Variants in OBSL1 observed in about 807,000 individuals in gnomAD.
OBSL1 encodes obscurin-like protein 1.
Under a neutral mutation model 172.0 loss-of-function variants are expected in OBSL1, and 160 were observed. That is an observed-to-expected ratio of 0.93 (90% CI 0.82 to 1.06). The LOEUF is 1.06. Among genes scored for constraint, OBSL1 ranks in the 50% least tolerant of loss-of-function variants. OBSL1 has a pLI of 0.00. For missense variants in OBSL1, 2,681 were observed against 2,715.4 expected, an observed-to-expected ratio of 0.99 and a Z score of 0.28; for synonymous variants, 1,200 against 1,196.3, an observed-to-expected ratio of 1.00 and a Z score of -0.06.
downstream of OBSL1, chr2:219,550,549 T>A: frequency 2.1e-6 from 1 of 487,588 alleles, no homozygotes; most frequent in Non-Finnish European, 3.7e-6. Flanking sequence ...CCCACTCTGT[T>A]TTACATCTTT....
Position 219,563,492 on chromosome 2 carries a change from TCCA to T in OBSL1, c.2540_2542del (p.Val847del). On this transcript the variant is annotated inframe_deletion, in exon 7 of 21. Transcript: ENST00000404537. ...CTCCAGCACCACGAAGTCACTCTCC[TCCA>T]CCTCCTGCCCGTCCTTGTACCAACG... 6.2e-7 allele frequency: 1 copy of T among 1,613,762 alleles called. No individual in the cohort carries two copies. Among genetic ancestry groups the T allele is most frequent in the Non-Finnish European group, 8.5e-7 (1 of 1,179,850 alleles).
rs1180417077 is a variant in OBSL1, at chr2:219,570,521, CG to C, written c.711del (p.Asp238ThrfsTer20). ...TCCACCACCGGCGCGGGGGCCTCGT[CG>C]GGGTCCGCGGGCGGGCTCTCGGGGG... ...HQPPESPPADPDEAPAPVVEP... is the reference protein window; with the variant it reads ...HQPPESPPADXDEAPAPVVEP... On this transcript the variant is annotated frameshift_variant, in exon 1 of 21. Transcript: ENST00000404537. LOFTEE classifies it high-confidence loss of function. 1 of 1,609,792 alleles carries C rather than the reference CG, an allele frequency of 6.2e-7. No homozygotes were observed. The highest frequency in any genetic ancestry group is 2.2e-5 in the East Asian group (1 of 44,696).
At chr2:219,561,606 T>C in intron 8 of OBSL1, 1 of 472,582 alleles carries the variant, frequency 2.1e-6, no homozygotes. Flanking sequence ...GTCTGCGTGC[T>C]GCTGGCTCCC....
chr2:219,555,043 C>G lies in OBSL1; in HGVS notation c.4610-303G>C, dbSNP rs1695898827. The G allele has an allele frequency of 4.8e-6, 2 of 418,810 alleles. 1 individual carries two copies. Among genetic ancestry groups the G allele is most frequent in the Middle Eastern group, 1.3e-3 (2 of 1,568 alleles). The allele number at this position is 418,810 out of a possible 1,614,324, so 25.9% of individuals were successfully genotyped here. ...GGAGCACGGAATTTGGAGTCAGACA[C>G]ACTAGGAATGGAACCTCGCTCTACC... On this transcript the variant is annotated intron_variant, in intron 14 of 20. Transcript: ENST00000404537.
chr2:219,554,625 A>AC lies in OBSL1; in HGVS notation c.4724dup (p.Gly1576TrpfsTer83), dbSNP rs776467558. On this transcript the variant is annotated frameshift_variant, in exon 15 of 21. Transcript: ENST00000404537. LOFTEE classifies it high-confidence loss of function. The stretch of plus-strand genomic sequence containing the variant: ...TGGGTCCTGGATACAGCTGTACTCC[A>AC]CCCCGGGCCCACTCCCCGGTCACAC... The AC allele has an allele frequency of 5.0e-6, 8 of 1,611,856 alleles. No homozygotes were observed. The South Asian group carries it at 7.7e-5, about 16-fold the overall frequency.
Position 219,563,577 on chromosome 2 carries a change from T to C in OBSL1, c.2458A>G (p.Ile820Val), listed in dbSNP as rs759392826. ...DPREHVFVHA[I>V]TSECVMLACE... Reference sequence around the variant, plus strand: ...GCCAGCATGACACACTCGGAAGTTATGGCATGCACGAACACATGTTCTCGG... The same window carrying C: ...GCCAGCATGACACACTCGGAAGTTACGGCATGCACGAACACATGTTCTCGG... The change falls in exon 7 of 21, where the codon ATA becomes GTA. Residue 820 changes from isoleucine to valine, a missense_variant. Ile to Val is a conservative substitution (Grantham distance 29). Coordinates refer to ENST00000404537, the MANE Select transcript of OBSL1 (RefSeq NM_015311.3). 22 of 1,613,406 alleles carry C rather than the reference T, an allele frequency of 1.4e-5. 1 individual carries two copies. The African/African-American group carries it at 2.1e-4, about 16-fold the overall frequency.
At position 219,556,680 on chromosome 2, in the gene OBSL1, A is replaced by G. The variant is rs761577295; in HGVS notation, c.4110T>C (p.Thr1370=). ...ACGTGGCATCATCGCCCTCGTGGAC[A>G]GTGAGTGGTGTCAGCTCCGAGACCA... ...VKLVSELTPL[T]VHEGDDATFR... is the part of the protein sequence containing the mutation. The change falls in exon 13 of 21, where the codon ACT becomes ACC. Residue 1370 remains threonine (T), a synonymous_variant. Transcript: ENST00000404537. 1.1e-5 allele frequency: 18 copies of G among 1,610,486 alleles called. No individual in the cohort carries two copies. The highest frequency in any genetic ancestry group is 1.7e-5 in the Admixed American group (1 of 59,962).
chr2:219,562,276 C>A, intron 8 of OBSL1, 126 bp downstream of exon 8: 1 of 1,229,810 alleles, frequency 8.1e-7, no homozygotes, highest in East Asian at 2.4e-5. Flanking sequence ...TCAGCAAGAA[C>A]CCTGGCACAT....
chr2:219,559,698 C>T lies in OBSL1; in HGVS notation c.2954-201G>A, dbSNP rs1234716331. On this transcript the variant is annotated intron_variant, in intron 8 of 20. Transcript: ENST00000404537. ...ACAGAATCCAGAATGCTTTGGATTC[C>T]AGAAATGATGCGTTTCTCATCTATC... is the stretch of plus-strand genomic sequence containing the variant. The T allele has an allele frequency of 1.1e-5, 6 of 560,760 alleles. No homozygotes were observed. The Admixed American group carries it at 1.9e-4, about 18-fold the overall frequency. The allele number at this position is 560,760 out of a possible 1,614,324, so 34.7% of individuals were successfully genotyped here.
At chr2:219,551,172 G>A (rs968962636) in intron 20 of OBSL1, 49 of 1,390,974 alleles carry the variant, frequency 3.5e-5, no homozygotes, top group African/African-American at 1.9e-4. Context: ...GCAGGAAGGA[G>A]GAGGGACAGG....
rs4674410 is a variant in OBSL1 at position 219,554,947 on chromosome 2, G to A, written c.4610-207C>T. On this transcript the variant is annotated intron_variant, in intron 14 of 20. Transcript: ENST00000404537. ...GGGCTGTATCAGGGTTAGGAGATGA[G>A]GGCACAGGAAGGGGGAGAAGTGTGG... Among the ~76,000 whole-genome samples, 146,367 of 151,976 alleles carry A rather than the reference G, an allele frequency of 0.96. 70,651 individuals are homozygous for A. The highest frequency in any genetic ancestry group is 1 in the East Asian group (5,162 of 5,162).
chr2:219,570,694 T>C lies in OBSL1; in HGVS notation c.539A>G (p.Gln180Arg), dbSNP rs1223663812. ...GGGGCCGTCCTCGGCGCGGCCCGGC[T>C]GGAGCGCGAAGTGGCTGCTGTCCCA... Reference protein sequence around the residue: ...EVWDSSHFALQPGRAEDGPGA... With the variant: ...EVWDSSHFALRPGRAEDGPGA... The change falls in exon 1 of 21, where the codon CAG (glutamine) becomes CGG (arginine). Residue 180 changes from glutamine to arginine, a missense_variant. Coordinates refer to ENST00000404537, the MANE Select transcript of OBSL1 (RefSeq NM_015311.3). 2.0e-6 allele frequency: 3 copies of C among 1,509,492 alleles called. No homozygotes were observed. Among genetic ancestry groups the C allele is most frequent in the Middle Eastern group, 1.7e-4 (1 of 5,864 alleles). The allele number at this position is 1,509,492 out of a possible 1,614,324, so 93.5% of individuals were successfully genotyped here.
In OBSL1 at chr2:219,554,580, G is replaced by A. The variant is rs777006665; in HGVS notation, c.4770C>T (p.Asp1590=). ...YPGPKCHIHS[D]GHRHRLVLNG... ...TGAGTACCAGTCGGTGACGGTGGCC[G>A]TCCGAGTGGATGTGACACTTGGGTC... Residue 1590 remains aspartate, a synonymous_variant, in exon 15 of 21, where the codon GAC becomes GAT. Transcript: ENST00000404537. 9.9e-6 allele frequency: 16 copies of A among 1,613,322 alleles called. No homozygotes were observed. Among genetic ancestry groups the A allele is most frequent in the African/African-American group, 2.7e-5 (2 of 75,042 alleles).
intron 20 of OBSL1, 43 bp from the exon 21 acceptor site, chr2:219,550,885 G>T (rs1000540037): frequency 1.2e-6 from 2 of 1,602,832 alleles, no homozygotes; most frequent in African/African-American, 1.3e-5. Flanking sequence ...AGAGAAGGGG[G>T]TACCACCTTC....
At position 219,563,369 on chromosome 2, in the gene OBSL1, G is replaced by A. The variant is rs1255037464; in HGVS notation, c.2666C>T (p.Thr889Ile). ...TGGCCCCCCACCTGTGATGGTGACA[G>A]TGAAGTAGGCACACTCATCTCCAGC... ...CVAGDECAYFTVTITDVSSWI... is the reference protein window; with the variant it reads ...CVAGDECAYFIVTITDVSSWI... The change falls in exon 7 of 21, where the codon ACT becomes ATT. Residue 889 changes from threonine to isoleucine, a missense_variant. By Grantham distance (89) the Thr-to-Ile change is moderately conservative. Transcript: ENST00000404537. 3 of 1,578,000 alleles carry A rather than the reference G, an allele frequency of 1.9e-6. No homozygotes were observed. Among genetic ancestry groups the A allele is most frequent in the Non-Finnish European group, 2.6e-6 (3 of 1,158,092 alleles).
In OBSL1 at chr2:219,559,408, G is replaced by C; in HGVS notation, c.3043C>G (p.Arg1015Gly). ...ECVVLMCELS[R>G]EDAPVRWYKD... ...TACCAGCGCACAGGGGCATCCTCCC[G>C]AGACAGTTCACACATCAGCACCACA... is the stretch of plus-strand genomic sequence containing the variant. The change falls in exon 9 of 21, where the codon CGG (arginine) becomes GGG (glycine). Residue 1015 changes from arginine (R) to glycine (G), a missense_variant. Physicochemically the swap from Arg to Gly is moderately radical, Grantham distance 125. This residue lies in a region of OBSL1 where 1,765 missense variants were observed against 1,748.3 expected (regional missense o/e 1.01). Coordinates refer to ENST00000404537, the MANE Select transcript of OBSL1 (RefSeq NM_015311.3). 6.2e-7 allele frequency: 1 copy of C among 1,613,810 alleles called. No individual in the cohort carries two copies. Among genetic ancestry groups the C allele is most frequent in the Non-Finnish European group, 8.5e-7 (1 of 1,179,862 alleles).
rs1191056006 is a variant in OBSL1 at position 219,556,534 on chromosome 2, C to T, written c.4256G>A (p.Arg1419Gln). The change falls in exon 13 of 21, where the codon CGA becomes CAA. Residue 1419 changes from arginine to glutamine, a missense_variant. Coordinates refer to ENST00000404537, the MANE Select transcript of OBSL1 (RefSeq NM_015311.3). ...CCCTGCATCCCCCAGTTGGCAGCCTCGCAAGGTTAAGATGCGGCTTGAACC... is the reference window on the plus strand; with the variant it reads ...CCCTGCATCCCCCAGTTGGCAGCCTTGCAAGGTTAAGATGCGGCTTGAACC... ...QNGSSRILTL[R>Q]GCQLGDAGTV... The T allele has an allele frequency of 3.1e-6, 5 of 1,613,854 alleles. No individual in the cohort carries two copies. The highest frequency in any genetic ancestry group is 1.1e-5 in the South Asian group (1 of 91,084).
intron 8 of OBSL1, among the ~76,000 whole-genome samples, chr2:219,560,920 C>A (rs1328653568): frequency 6.6e-6 from 1 of 152,122 alleles, no homozygotes; most frequent in Admixed American, 6.5e-5. Context: ...TGGTGTCAGA[C>A]TTGATTCGCT....
downstream of OBSL1, chr2:219,547,374 A>T: frequency 2.4e-5 from 16 of 656,874 alleles, no homozygotes; most frequent in Non-Finnish European, 3.5e-5. Flanking sequence ...GACTCCAGTG[A>T]CCCTCAATTC....
Sources: gnomAD v4.1 joint callset for allele counts (sites outside exome capture counted in the v4.1 genomes callset) on GRCh38, gnomAD v4.1.1 for gene constraint, gnomAD v4.1.1 regional missense constraint, MANE v1.5 for transcripts, NCBI Gene and HGNC (gene_info 2026-07-23, HGNC 2026-07-21) for gene names.